The following VDAC1 variants were observed in gnomAD, a reference collection of about 807,000 sequenced individuals.
VDAC1 encodes the protein non-selective voltage-gated ion channel VDAC1.
VDAC1 carries 10 observed loss-of-function variants against 34.7 expected under a neutral mutation model. The observed-to-expected ratio is 0.29, with a 90% CI of 0.18 to 0.49. VDAC1 has a LOEUF of 0.49. Among genes scored for constraint, VDAC1 ranks in the 20% least tolerant of loss-of-function variants. The pLI, the probability that VDAC1 is intolerant of heterozygous loss-of-function variation, is 0.99. For missense variants in VDAC1, 230 were observed against 347.9 expected (o/e 0.66, Z 2.69); for synonymous variants, 130 against 136.0 (o/e 0.96, Z 0.30).
At chr5:134,080,347 A>G in the VDAC1 span, among the ~76,000 whole-genome samples, 1 of 152,236 alleles carries the variant, frequency 6.6e-6, no homozygotes, top group Non-Finnish European at 1.5e-5. Context: ...GCCAGGGCCC[A>G]GGACTCACTC....
the VDAC1 span, among the ~76,000 whole-genome samples, chr5:134,065,618 G>C: frequency 6.6e-6 from 1 of 151,714 alleles, no homozygotes; most frequent in South Asian, 2.1e-4. Flanking sequence ...TGGAATTATA[G>C]ACATGAGCCA....
intron 1 of VDAC1, among the ~76,000 whole-genome samples, chr5:134,003,910 C>G (rs1753654569): frequency 6.6e-6 from 1 of 152,338 alleles, no homozygotes; most frequent in East Asian, 1.9e-4. Flanking sequence ...CAGAATGCAC[C>G]GCCGCATTTG....
At chr5:134,098,525 A>G in the VDAC1 span, among the ~76,000 whole-genome samples, 1 of 152,204 alleles carries the variant, frequency 6.6e-6, no homozygotes, top group Non-Finnish European at 1.5e-5. Flanking sequence ...ACACCCGGCC[A>G]AGGATTCCTT....
chr5:133,995,514 G>A (rs1753265058), intron 1 of VDAC1, among the ~76,000 whole-genome samples: 1 of 152,232 alleles, frequency 6.6e-6, no homozygotes, highest in East Asian at 1.9e-4. Flanking sequence ...ACCACTGGCT[G>A]AATGGAGTCA....
At chr5:133,999,549 T>G (rs1412353357) in intron 1 of VDAC1, among the ~76,000 whole-genome samples, 1 of 152,126 alleles carries the variant, frequency 6.6e-6, no homozygotes, top group African/African-American at 2.4e-5. Context: ...GTGAGGTACT[T>G]GCAGAAGACG....
chr5:134,024,172 C>G, the VDAC1 span, among the ~76,000 whole-genome samples: 1 of 151,280 alleles, frequency 6.6e-6, no homozygotes, highest in African/African-American at 2.4e-5. Context: ...ATGAAGTGAG[C>G]AAGTATTTCA....
chr5:134,090,090 A>G, the VDAC1 span, among the ~76,000 whole-genome samples: 1 of 152,110 alleles, frequency 6.6e-6, no homozygotes, highest in East Asian at 1.9e-4. Context: ...GGAGGACCCA[A>G]ATTTCTGCCC....
At chr5:133,977,558 T>A (rs1324591920) in intron 6 of VDAC1, among the ~76,000 whole-genome samples, 1 of 152,118 alleles carries the variant, frequency 6.6e-6, no homozygotes, top group African/African-American at 2.4e-5. Context: ...CTATACAAAC[T>A]CTGCAGTCAC....
In VDAC1 at chr5:133,999,588, A is replaced by G. The variant is rs552788091; in HGVS notation, c.-7+5307T>C. Among the ~76,000 whole-genome samples, 131 of 152,056 alleles carry G rather than the reference A, an allele frequency of 8.6e-4. No homozygotes were observed. The Middle Eastern group carries it at 0.01, about 12-fold the overall frequency. Reference sequence around the variant, plus strand: ...GTTTAGGGAAGAATGAAGTCGGGGTACTCACCCCGAGTCTCCCTCCCTGCT... The same window carrying G: ...GTTTAGGGAAGAATGAAGTCGGGGTGCTCACCCCGAGTCTCCCTCCCTGCT... On this transcript the variant is annotated intron_variant, in intron 1 of 8. Coordinates refer to ENST00000265333, the MANE Select transcript of VDAC1 (RefSeq NM_003374.3).
the VDAC1 span, among the ~76,000 whole-genome samples, chr5:134,025,718 T>G: frequency 6.6e-6 from 1 of 152,176 alleles, no homozygotes; most frequent in Non-Finnish European, 1.5e-5. Flanking sequence ...GCCTCCCGAC[T>G]AGCTGGGACT....
the VDAC1 span, among the ~76,000 whole-genome samples, chr5:134,071,081 C>T: frequency 6.6e-6 from 1 of 152,202 alleles, no homozygotes; most frequent in Non-Finnish European, 1.5e-5. This position sits in a 1 kb window ranked among gnomAD's most constrained non-coding sequence, Gnocchi z 4.1. Context: ...GGTGACCAAT[C>T]TTTCAGGCAG....
the VDAC1 span, among the ~76,000 whole-genome samples, chr5:134,090,508 C>T: frequency 6.6e-6 from 1 of 152,148 alleles, no homozygotes; most frequent in African/African-American, 2.4e-5. Flanking sequence ...CCATAAGCCC[C>T]CTTCCCCACA....
chr5:133,980,913 T>C lies in VDAC1; in HGVS notation c.367A>G (p.Ile123Val). 1.2e-6 allele frequency: 2 copies of C among 1,614,098 alleles called. No homozygotes were observed. The highest frequency in any genetic ancestry group is 1.6e-4 in the Middle Eastern group (1 of 6,062). The change falls in exon 6 of 9, where the codon ATT becomes GTT. Residue 123 changes from isoleucine (I) to valine (V), a missense_variant. By Grantham distance (29) the Ile-to-Val change is conservative. Transcript: ENST00000265333. ...KIKTGYKREH[I>V]NLGCDMDFDI... ...AAATCCATGTCGCAGCCCAGGTTAA[T>C]GTGCTCCCGCTTGTACCCTGTCTTG...
At chr5:134,015,308 T>C in the VDAC1 span, among the ~76,000 whole-genome samples, 2 of 152,022 alleles carry the variant, frequency 1.3e-5, no homozygotes, top group Non-Finnish European at 2.9e-5. Flanking sequence ...ACCCCAAACC[T>C]CAGCACCATG....
chr5:134,087,966 C>T, the VDAC1 span, among the ~76,000 whole-genome samples: 1 of 151,498 alleles, frequency 6.6e-6, no homozygotes, highest in African/African-American at 2.4e-5. Context: ...GCCTGACCAA[C>T]ATGGTGAAAC....
the VDAC1 span, among the ~76,000 whole-genome samples, chr5:134,032,915 T>C: frequency 4.6e-5 from 7 of 151,590 alleles, no homozygotes; most frequent in South Asian, 1.5e-3. Flanking sequence ...TGCCTGTAGT[T>C]CCAGCTACTC....
rs1271727084 is a variant in VDAC1, at chr5:133,980,766, C to T, written c.514G>A (p.Gly172Ser). ...SRVTQSNFAVGYKTDEFQLHT... is the reference protein window; with the variant it reads ...SRVTQSNFAVSYKTDEFQLHT... ...AGCTGGAATTCATCAGTCTTGTAGC[C>T]AACTGCAAAGTTGCTCTGGGTCACT... The change falls in exon 6 of 9, where the codon GGC (glycine) becomes AGC (serine). Residue 172 changes from glycine (G) to serine (S), a missense_variant. By Grantham distance (56) the Gly-to-Ser change is moderately conservative (BLOSUM62 0). Transcript: ENST00000265333. 14 of 1,518,284 alleles carry T rather than the reference C, an allele frequency of 9.2e-6. No individual in the cohort carries two copies. The highest frequency in any genetic ancestry group is 1.2e-5 in the Non-Finnish European group (14 of 1,121,962). 94.1% of individuals were successfully genotyped at this position (1,518,284 alleles called of 1,614,324 possible).
At chr5:134,030,601 T>TA in the VDAC1 span, among the ~76,000 whole-genome samples, 1 of 15,620 alleles carries the variant, frequency 6.4e-5, no homozygotes, top group South Asian at 5.0e-3. Flanking sequence ...TCTTTCTTTC[T>TA]TTCTTTTTTT....
the VDAC1 span, among the ~76,000 whole-genome samples, chr5:134,091,343 A>G: frequency 6.6e-6 from 1 of 152,172 alleles, no homozygotes; most frequent in Non-Finnish European, 1.5e-5. Context: ...CACTTAGAAC[A>G]TTCCAGGTTT....
Sources: allele counts gnomAD v4.1 joint callset (sites outside exome capture counted in the v4.1 genomes callset), GRCh38; gene constraint gnomAD v4.1.1; non-coding constraint Gnocchi (gnomAD v3.1); transcripts MANE v1.5; gene names NCBI Gene and HGNC (gene_info 2026-07-23, HGNC 2026-07-21).